OXR1: variants seen among roughly 807,000 people sequenced by gnomAD.
OXR1 encodes oxidation resistance 1.
In OXR1, 41 loss-of-function variants were observed where a neutral mutation model predicts 104.6. That is an observed-to-expected ratio of 0.39 (90% confidence interval 0.31 to 0.51). The LOEUF is 0.51. Ranked by LOEUF, OXR1 falls within the 20% of genes least tolerant of loss-of-function variation. The pLI is 0.77. For missense variants in OXR1, 955 were observed against 1,031.9 expected, an observed-to-expected ratio of 0.93 and a Z score of 1.02; for synonymous variants, 348 against 348.4, an observed-to-expected ratio of 1.00 and a Z score of 0.01.
chr8:106,553,470 C>T (rs900237769), intron 3 of OXR1, among the ~76,000 whole-genome samples: 8 of 151,832 alleles, frequency 5.3e-5, no homozygotes, highest in Non-Finnish European at 1.2e-4. Flanking sequence ...AGGTGTGTGC[C>T]ACCACACCTG....
chr8:106,466,848 A>G (rs1821198043), intron 2 of OXR1, among the ~76,000 whole-genome samples: 1 of 151,980 alleles, frequency 6.6e-6, no homozygotes, highest in African/African-American at 2.4e-5. Context: ...ACCCTGATTA[A>G]GCATATTAAA....
chr8:106,412,139 T>G (rs2130509125), intron 2 of OXR1, among the ~76,000 whole-genome samples: 1 of 152,304 alleles, frequency 6.6e-6, no homozygotes, highest in South Asian at 2.1e-4. Context: ...TGTTAGGTAA[T>G]TCTCACAATT....
At chr8:106,691,603 T>A (rs560895793) in intron 6 of OXR1, among the ~76,000 whole-genome samples, 114 of 132,682 alleles carry the variant, frequency 8.6e-4, no homozygotes, top group Non-Finnish European at 3.9e-4. Flanking sequence ...CATATGACAA[T>A]GTGCACATAT....
intron 1 of OXR1, among the ~76,000 whole-genome samples, chr8:106,346,732 G>GTT (rs1815497742): frequency 7.2e-6 from 1 of 139,610 alleles, no homozygotes; most frequent in Non-Finnish European, 1.6e-5. Flanking sequence ...GGCCCTTTCT[G>GTT]TTGAGTTCCA....
chr8:106,339,998 T>C (rs1482000419), intron 1 of OXR1, among the ~76,000 whole-genome samples: 1 of 152,170 alleles, frequency 6.6e-6, no homozygotes, highest in Non-Finnish European at 1.5e-5. Context: ...TTTCTGTAAT[T>C]CTTTTCCCAA....
chr8:106,520,537 T>A (rs545082434), intron 3 of OXR1: 48 of 152,318 alleles, frequency 3.2e-4, no homozygotes, highest in African/African-American at 1.1e-3. Context: ...CAGGCTTCCT[T>A]TTTCCAGATG....
At chr8:106,447,984 C>A in intron 2 of OXR1, 3 of 1,534,208 alleles carry the variant, frequency 2.0e-6, no homozygotes, top group Non-Finnish European at 2.6e-6. Flanking sequence ...CGCCCCGGCT[C>A]CCACACAGCT....
chr8:106,543,947 A>G (rs1815151508), intron 3 of OXR1, among the ~76,000 whole-genome samples: 1 of 152,178 alleles, frequency 6.6e-6, no homozygotes, highest in Non-Finnish European at 1.5e-5. Flanking sequence ...TGGAGCCCTT[A>G]CTATTAGGAG....
intron 12 of OXR1, among the ~76,000 whole-genome samples, chr8:106,738,051 T>C (rs1834563558): frequency 6.6e-6 from 1 of 152,204 alleles, no homozygotes; most frequent in Non-Finnish European, 1.5e-5. Flanking sequence ...GGATAAACTG[T>C]TCTTGAGGCA....
At chr8:106,435,887 A>C (rs1241238818) in intron 2 of OXR1, among the ~76,000 whole-genome samples, 1 of 152,166 alleles carries the variant, frequency 6.6e-6, no homozygotes, top group Non-Finnish European at 1.5e-5. Flanking sequence ...GTTGTTGGTC[A>C]TACAAATATG....
chr8:106,339,426 C>T (rs1432277550), intron 1 of OXR1, among the ~76,000 whole-genome samples: 6 of 133,658 alleles, frequency 4.5e-5, no homozygotes, highest in African/African-American at 8.5e-5. Context: ...ACCTGGCAGG[C>T]GGAGCTTGCA....
chr8:106,345,594 A>G (rs562204086), intron 1 of OXR1, among the ~76,000 whole-genome samples: 1 of 152,340 alleles, frequency 6.6e-6, no homozygotes, highest in Admixed American at 6.5e-5. Context: ...TCTTCTAAGG[A>G]AGTAGAAAAG....
intron 2 of OXR1, among the ~76,000 whole-genome samples, chr8:106,440,006 C>T (rs1819721358): frequency 6.6e-6 from 1 of 152,060 alleles, no homozygotes; most frequent in South Asian, 2.1e-4. Flanking sequence ...GGCTGATATT[C>T]GGAGGCATGA....
At position 106,719,884 on chromosome 8, in the gene OXR1, C is replaced by T. The variant is rs192333731; in HGVS notation, c.1956+5899C>T. ...GCAGTGGCGTCATCTTGGCTCACTG[C>T]AAGCTCCGCCTCCTGGATTCACGCC... On this transcript the variant is annotated intron_variant, in intron 11 of 16. Transcript: ENST00000517566. Among the ~76,000 whole-genome samples, 392 of 152,296 alleles carry T rather than the reference C, an allele frequency of 2.6e-3. 3 individuals carry two copies. Among genetic ancestry groups the T allele is most frequent in the South Asian group, 0.013 (61 of 4,830 alleles).
At chr8:106,614,507 T>G (rs996383594) in intron 3 of OXR1, among the ~76,000 whole-genome samples, 1 of 152,232 alleles carries the variant, frequency 6.6e-6, no homozygotes, top group East Asian at 1.9e-4. Context: ...CAGAGCTTCT[T>G]AGCAGCCCAC....
chr8:106,409,836 T>A (rs751345957), intron 2 of OXR1, among the ~76,000 whole-genome samples: 2 of 152,220 alleles, frequency 1.3e-5, no homozygotes, highest in Admixed American at 6.6e-5. Context: ...TTAAATGATT[T>A]ATTTTTATAC....
At chr8:106,700,371 A>G (rs1830478601) in intron 7 of OXR1, among the ~76,000 whole-genome samples, 1 of 152,182 alleles carries the variant, frequency 6.6e-6, no homozygotes, top group South Asian at 2.1e-4. Context: ...TGTTGAAGAA[A>G]TGTTTCTCTT....
At chr8:106,701,435 G>C (rs1587151955) in intron 7 of OXR1, among the ~76,000 whole-genome samples, 1 of 152,068 alleles carries the variant, frequency 6.6e-6, no homozygotes, top group East Asian at 1.9e-4. Context: ...TATTCTTAAA[G>C]TTGAACCAGG....
At chr8:106,415,728 G>A (rs1235270605) in intron 2 of OXR1, among the ~76,000 whole-genome samples, 1 of 151,984 alleles carries the variant, frequency 6.6e-6, no homozygotes, top group East Asian at 1.9e-4. Flanking sequence ...TGCTTACATA[G>A]TCATAAATTT....
Sources: gnomAD v4.1 joint callset for allele counts (sites outside exome capture counted in the v4.1 genomes callset) on GRCh38, gnomAD v4.1.1 for gene constraint, MANE v1.5 for transcripts, NCBI Gene and HGNC (gene_info 2026-07-23, HGNC 2026-07-21) for gene names.